LRRTM4: variants seen among roughly 807,000 people sequenced by gnomAD.
LRRTM4 encodes leucine rich repeat transmembrane neuronal 4, also known as leucine-rich repeat transmembrane neuronal protein 4.
A neutral mutation model predicts 47.6 loss-of-function variants in LRRTM4; 25 were observed. The observed-to-expected ratio is 0.53, with a 90% CI of 0.38 to 0.73. The LOEUF is 0.73. Ranked by LOEUF, LRRTM4 falls within the 30% of genes least tolerant of loss-of-function variation. The pLI is 0.00. For synonymous variants in LRRTM4, 311 were observed against 269.5 expected (o/e 1.15, Z -1.51); for missense variants, 638 against 713.4 (o/e 0.89, Z 1.20).
At chr2:76,844,113 G>C (rs1020362347) in intron 3 of LRRTM4, among the ~76,000 whole-genome samples, 1 of 151,472 alleles carries the variant, frequency 6.6e-6, no homozygotes, top group Non-Finnish European at 1.5e-5. Context: ...ATGTTAGCCA[G>C]GATGGTCTCG....
At chr2:76,929,326 A>T (rs1190281595) in intron 3 of LRRTM4, among the ~76,000 whole-genome samples, 5 of 152,138 alleles carry the variant, frequency 3.3e-5, no homozygotes, top group African/African-American at 1.2e-4. Context: ...CAGTACAACA[A>T]ATGCATTTGT....
chr2:77,360,265 G>A (rs1180580250), intron 3 of LRRTM4, among the ~76,000 whole-genome samples: 1 of 151,994 alleles, frequency 6.6e-6, no homozygotes, highest in Non-Finnish European at 1.5e-5. Flanking sequence ...AGACTATCCT[G>A]GCTAACACGG....
At chr2:77,102,616 A>C (rs4853293) in intron 3 of LRRTM4, among the ~76,000 whole-genome samples, 1 of 152,196 alleles carries the variant, frequency 6.6e-6, no homozygotes, top group South Asian at 2.1e-4. Flanking sequence ...GCAGGTGACA[A>C]TTACAGTTAG....
chr2:77,275,673 C>A (rs897214473), intron 3 of LRRTM4, among the ~76,000 whole-genome samples: 1 of 152,094 alleles, frequency 6.6e-6, no homozygotes, highest in Non-Finnish European at 1.5e-5. Context: ...TGTTCCTCTT[C>A]TGCTGGACCT....
intron 3 of LRRTM4, among the ~76,000 whole-genome samples, chr2:76,802,990 T>TAAAAC (rs1369030932): frequency 6.6e-6 from 1 of 152,096 alleles, no homozygotes; most frequent in Non-Finnish European, 1.5e-5. Context: ...CCTGATACTA[T>TAAAAC]AAAACAAGTA....
chr2:77,051,556 T>G (rs916560351), intron 3 of LRRTM4, among the ~76,000 whole-genome samples: 19 of 152,158 alleles, frequency 1.2e-4, no homozygotes, highest in African/African-American at 4.6e-4. Flanking sequence ...ATACATTAAT[T>G]CCACCAGTGA....
chr2:77,449,402 T>A (rs1676172289), intron 3 of LRRTM4, among the ~76,000 whole-genome samples: 1 of 152,196 alleles, frequency 6.6e-6, no homozygotes, highest in Non-Finnish European at 1.5e-5. Flanking sequence ...AGTCTAAAAG[T>A]AGATAATGTA....
At chr2:76,905,009 C>T (rs367759291) in intron 3 of LRRTM4, among the ~76,000 whole-genome samples, 14 of 152,082 alleles carry the variant, frequency 9.2e-5, no homozygotes, top group East Asian at 1.9e-4. Context: ...TCTCCCAGAA[C>T]GCAGCTGGAG....
chr2:77,119,591 A>T (rs937484030), intron 3 of LRRTM4, among the ~76,000 whole-genome samples: 3 of 151,852 alleles, frequency 2.0e-5, no homozygotes, highest in Admixed American at 2.0e-4. Context: ...GATACTGAAG[A>T]TAGAGCAATG....
chr2:77,461,967 A>G (rs755233061), intron 3 of LRRTM4, among the ~76,000 whole-genome samples: 2 of 152,140 alleles, frequency 1.3e-5, no homozygotes, highest in South Asian at 4.1e-4. Flanking sequence ...ACACTTGAGC[A>G]TTTAAATAAA....
rs139442609 is a variant in LRRTM4 at position 77,487,889 on chromosome 2, C to A, written c.1551+30429G>T. Among the ~76,000 whole-genome samples, 221 of 152,322 alleles carry A rather than the reference C, an allele frequency of 1.5e-3. 3 individuals carry two copies. The highest frequency in any genetic ancestry group is 5.0e-3 in the African/African-American group (206 of 41,576). ...CCTGCCTGCAAAGAGGACCTACCCA[C>A]TTCGGGTCTCCTGAGACCTGTGCTG... On this transcript the variant is annotated intron_variant, in intron 3 of 3. Transcript: ENST00000409884.
intron 3 of LRRTM4, among the ~76,000 whole-genome samples, chr2:77,180,954 G>T: frequency 6.6e-6 from 1 of 152,018 alleles, no homozygotes; most frequent in East Asian, 1.9e-4. Context: ...ACCATTAGAG[G>T]TATATTTCAC....
chr2:76,999,378 T>C (rs1387604897), intron 3 of LRRTM4, among the ~76,000 whole-genome samples: 1 of 151,150 alleles, frequency 6.6e-6, no homozygotes, highest in Non-Finnish European at 1.5e-5. Context: ...GACTTAAGAC[T>C]CTCTAGGGGC....
intron 3 of LRRTM4, among the ~76,000 whole-genome samples, chr2:76,809,425 C>A (rs1670661311): frequency 6.6e-6 from 1 of 152,114 alleles, no homozygotes; most frequent in Non-Finnish European, 1.5e-5. Context: ...GGACTAAAAC[C>A]ATGGACTCTT....
At chr2:76,896,524 T>C (rs113812426) in intron 3 of LRRTM4, among the ~76,000 whole-genome samples, 3 of 151,972 alleles carry the variant, frequency 2.0e-5, no homozygotes, top group African/African-American at 4.8e-5. Flanking sequence ...TTTCATGATA[T>C]TGCAAAGATT....
intron 3 of LRRTM4, among the ~76,000 whole-genome samples, chr2:76,937,757 G>T (rs1051072964): frequency 6.6e-6 from 1 of 152,116 alleles, no homozygotes. Context: ...TAGTACAGAC[G>T]GGGTTTCACC....
intron 3 of LRRTM4, among the ~76,000 whole-genome samples, chr2:77,011,313 A>C (rs183110494): frequency 7.1e-4 from 108 of 152,258 alleles, no homozygotes; most frequent in African/African-American, 2.5e-3. Flanking sequence ...CTCATATCTT[A>C]ATTCAGACTA....
intron 3 of LRRTM4, among the ~76,000 whole-genome samples, chr2:77,103,664 G>C (rs2860942): frequency 9.0e-5 from 13 of 143,736 alleles, no homozygotes; most frequent in African/African-American, 2.9e-4. Context: ...TATATATATA[G>C]ATATATATAT....
At chr2:77,138,380 C>A (rs1672012330) in intron 3 of LRRTM4, among the ~76,000 whole-genome samples, 1 of 152,070 alleles carries the variant, frequency 6.6e-6, no homozygotes, top group East Asian at 1.9e-4. Flanking sequence ...CTACTGGGTA[C>A]ATAACGAAAT....
Sources: allele counts gnomAD v4.1 joint callset (sites outside exome capture counted in the v4.1 genomes callset), GRCh38; gene constraint gnomAD v4.1.1; transcripts MANE v1.5; gene names NCBI Gene and HGNC (gene_info 2026-07-23, HGNC 2026-07-21).